Variants in GPD2 observed in about 807,000 individuals in gnomAD.
GPD2 encodes glycerol-3-phosphate dehydrogenase 2, also known as glycerol-3-phosphate dehydrogenase, mitochondrial.
Under a neutral mutation model 82.4 loss-of-function variants are expected in GPD2, and 54 were observed. The ratio of observed to expected loss-of-function variants is 0.66; its 90% confidence interval spans 0.53 to 0.82. The LOEUF (loss-of-function observed/expected upper bound fraction) is 0.82, where lower values mean the gene tolerates loss of function less well. Among genes scored for constraint, GPD2 ranks in the 40% least tolerant of loss-of-function variants. The pLI is 0.00. For missense variants in GPD2, 748 were observed against 896.2 expected (o/e 0.83, Z 2.11); for synonymous variants, 288 against 306.1 (o/e 0.94, Z 0.62).
At chr2:156,476,598 A>G (rs1683521964) in intron 2 of GPD2, among the ~76,000 whole-genome samples, 1 of 152,216 alleles carries the variant, frequency 6.6e-6, no homozygotes, top group Non-Finnish European at 1.5e-5. Flanking sequence ...GGAAATGGAA[A>G]AGAAAAGGCC....
At position 156,583,681 on chromosome 2, in the gene GPD2, G is replaced by A. The variant is rs1688114116; in HGVS notation, c.*763G>A. Reference sequence around the variant, plus strand: ...TCATTTTTTTCTTCAGTCACTGCTGGTTTTCTTTGACTATTATAGTTGCCA... The same window carrying A: ...TCATTTTTTTCTTCAGTCACTGCTGATTTTCTTTGACTATTATAGTTGCCA... On this transcript the variant is annotated 3_prime_UTR_variant, in exon 17 of 17. Coordinates refer to ENST00000438166, the MANE Select transcript of GPD2 (RefSeq NM_000408.5). The A allele has an allele frequency of 6.6e-6, 1 of 152,484 alleles. No homozygotes were observed. Among genetic ancestry groups the A allele is most frequent in the African/African-American group, 2.4e-5 (1 of 41,394 alleles). 9.4% of individuals were successfully genotyped at this position (152,484 alleles called of 1,614,324 possible).
chr2:156,455,062 G>A (rs1682743047), intron 1 of GPD2, among the ~76,000 whole-genome samples: 1 of 152,008 alleles, frequency 6.6e-6, no homozygotes, highest in African/African-American at 2.4e-5. Context: ...ACTAAGGACT[G>A]CTGCTCCCAG....
chr2:156,499,245 C>A (rs1684499047), intron 3 of GPD2, among the ~76,000 whole-genome samples: 1 of 151,970 alleles, frequency 6.6e-6, no homozygotes, highest in African/African-American at 2.4e-5. Flanking sequence ...TTATTATCCA[C>A]ATGAGACATT....
chr2:156,467,412 C>T (rs1256170284), intron 1 of GPD2, among the ~76,000 whole-genome samples: 1 of 152,178 alleles, frequency 6.6e-6, no homozygotes, highest in Non-Finnish European at 1.5e-5. Context: ...TTGACTTTTA[C>T]TTGGTTTTTT....
At chr2:156,532,058 A>G (rs118187196) in intron 6 of GPD2, among the ~76,000 whole-genome samples, 1 of 152,158 alleles carries the variant, frequency 6.6e-6, no homozygotes, top group Non-Finnish European at 1.5e-5. Flanking sequence ...GCTGGAGTAC[A>G]GTGGAGTGAT....
In GPD2 at chr2:156,579,164, G is replaced by A; in HGVS notation, c.1959G>A (p.Glu653=). Residue 653 remains glutamate (E), a splice_region_variant and synonymous_variant, in exon 15 of 17, where the codon GAG becomes GAA. Transcript: ENST00000438166. ...ITIVDVQRVL[E]SINVQMDENT... is the part of the protein sequence containing the mutation. ...TTGTTGATGTTCAGCGTGTATTAGAGGTAATTTTCTTTGGTTGATGTCAGC... is the reference window on the plus strand; with the variant it reads ...TTGTTGATGTTCAGCGTGTATTAGAAGTAATTTTCTTTGGTTGATGTCAGC... 2.5e-6 allele frequency: 4 copies of A among 1,580,652 alleles called. No individual in the cohort carries two copies. Among genetic ancestry groups the A allele is most frequent in the Non-Finnish European group, 3.5e-6 (4 of 1,150,250 alleles).
At chr2:156,416,302 A>G in the GPD2 span, among the ~76,000 whole-genome samples, 3 of 151,536 alleles carry the variant, frequency 2.0e-5, no homozygotes, top group African/African-American at 7.3e-5. Context: ...GGGAAGTCTC[A>G]TCCAAACTCT....
At chr2:156,484,530 G>A (rs773796354) in intron 2 of GPD2, among the ~76,000 whole-genome samples, 15 of 152,046 alleles carry the variant, frequency 9.9e-5, no homozygotes, top group Middle Eastern at 3.2e-3. Context: ...GCAGAATAAT[G>A]TTGCTTTTTA....
At chr2:156,540,404 C>T (rs1394545872) in intron 6 of GPD2, among the ~76,000 whole-genome samples, 1 of 152,152 alleles carries the variant, frequency 6.6e-6, no homozygotes, top group African/African-American at 2.4e-5. Flanking sequence ...CGTTCTTCCT[C>T]TCCTATGGGA....
the GPD2 span, among the ~76,000 whole-genome samples, chr2:156,408,757 G>C: frequency 1.3e-5 from 2 of 151,110 alleles, no homozygotes; most frequent in Non-Finnish European, 2.9e-5. Flanking sequence ...AATGCAGCCA[G>C]CTCCTGAAGG....
At chr2:156,444,260 C>A (rs187533916) in intron 1 of GPD2, among the ~76,000 whole-genome samples, 1 of 152,216 alleles carries the variant, frequency 6.6e-6, no homozygotes, top group Admixed American at 6.5e-5. Context: ...GCATTCACAT[C>A]TAGAGGCTGC....
intron 8 of GPD2, among the ~76,000 whole-genome samples, chr2:156,551,446 G>A (rs115357783): frequency 8.5e-5 from 13 of 152,140 alleles, no homozygotes; most frequent in African/African-American, 1.2e-4. Context: ...TACCCATAAC[G>A]TACATTTTAA....
intron 1 of GPD2, among the ~76,000 whole-genome samples, chr2:156,474,712 A>G: frequency 6.6e-6 from 1 of 152,210 alleles, no homozygotes; most frequent in East Asian, 1.9e-4. Context: ...GTTAAAGAAT[A>G]ATTTTTAAGT....
intron 3 of GPD2, among the ~76,000 whole-genome samples, chr2:156,509,021 A>G (rs577393422): frequency 3.9e-5 from 6 of 152,158 alleles, no homozygotes; most frequent in African/African-American, 1.2e-4. Flanking sequence ...TTGGCTCTCA[A>G]TATTCTTAAA....
chr2:156,494,014 T>C (rs372635278), intron 2 of GPD2, among the ~76,000 whole-genome samples: 13 of 151,854 alleles, frequency 8.6e-5, no homozygotes, highest in African/African-American at 3.1e-4. Flanking sequence ...AATATGTTAA[T>C]GTTCTCTGTA....
rs762512790 is a variant in GPD2 at position 156,583,500 on chromosome 2, C to T, written c.*582C>T. The T allele has an allele frequency of 3.1e-5, 5 of 161,674 alleles. No homozygotes were observed. The highest frequency in any genetic ancestry group is 7.2e-5 in the African/African-American group (3 of 41,464). 10.0% of individuals were successfully genotyped at this position (161,674 alleles called of 1,614,324 possible). A position where few individuals can be genotyped will look rare whatever the true frequency, so the allele number is the denominator to read the frequency against. On this transcript the variant is annotated 3_prime_UTR_variant, in exon 17 of 17. Coordinates refer to ENST00000438166, the MANE Select transcript of GPD2 (RefSeq NM_000408.5). ...ATATTCCACATTTTTATATCTAGAG[C>T]ATGACTGGCTAACTGGAGAGGGAAG...
the GPD2 span, among the ~76,000 whole-genome samples, chr2:156,403,929 A>G: frequency 1.3e-5 from 2 of 152,180 alleles, no homozygotes; most frequent in Admixed American, 6.6e-5. Flanking sequence ...GGGTTGTTCA[A>G]ACAGGTTGAG....
chr2:156,547,579 A>T (rs895944806), intron 6 of GPD2, among the ~76,000 whole-genome samples: 1 of 152,134 alleles, frequency 6.6e-6, no homozygotes, highest in African/African-American at 2.4e-5. Context: ...GGAACTGGGG[A>T]GTGGACATAG....
At chr2:156,513,591 A>G in intron 6 of GPD2, 95 bp downstream of exon 6, 2 of 952,994 alleles carry the variant, frequency 2.1e-6, no homozygotes, top group Non-Finnish European at 3.3e-6. Context: ...TTGCATCTTT[A>G]AATACTAATC....
Sources: gnomAD v4.1 joint callset for allele counts (sites outside exome capture counted in the v4.1 genomes callset) on GRCh38, gnomAD v4.1.1 for gene constraint, MANE v1.5 for transcripts, NCBI Gene and HGNC (gene_info 2026-07-23, HGNC 2026-07-21) for gene names.